The following CAST variants were observed in gnomAD, a reference collection of about 807,000 sequenced individuals.
CAST encodes calpastatin, also known as MIR583 host.
In CAST, 76 loss-of-function variants were observed where a neutral mutation model predicts 119.6. The observed-to-expected ratio is 0.64, with a 90% confidence interval of 0.53 to 0.77. The LOEUF (loss-of-function observed/expected upper bound fraction) is 0.77. CAST is among the 30% of genes least tolerant of loss of function. The probability of loss-of-function intolerance (pLI) is 0.00; values close to 1 mark genes in which losing one functional copy is unlikely to be tolerated. For synonymous variants in CAST, 319 were observed against 331.6 expected, an observed-to-expected ratio of 0.96 and a Z score of 0.41; for missense variants, 953 against 946.5, an observed-to-expected ratio of 1.01 and a Z score of -0.09.
chr5:96,433,970 A>T, the CAST span: 3 of 152,244 alleles, frequency 2.0e-5, no homozygotes, highest in South Asian at 6.2e-4. Flanking sequence ...ATGTGATTTT[A>T]AAAAAACATA....
chr5:95,969,581 A>G, the CAST span, among the ~76,000 whole-genome samples: 2 of 152,142 alleles, frequency 1.3e-5, no homozygotes, highest in Non-Finnish European at 2.9e-5. Flanking sequence ...GTACTAGGGT[A>G]TTAATGATGG....
chr5:96,695,636 C>T lies in CAST; in HGVS notation c.139-200C>T, dbSNP rs75664206. The T allele has an allele frequency of 1.3e-3, 545 of 435,194 alleles. 1 individual carries two copies. The highest frequency in any genetic ancestry group is 1.9e-3 in the Non-Finnish European group (440 of 230,104). 27.0% of individuals were successfully genotyped at this position (435,194 alleles called of 1,614,324 possible). On this transcript the variant is annotated intron_variant, in intron 2 of 31. Transcript: ENST00000675179. Reference sequence around the variant, plus strand: ...GAATATTGAACAATTGAGACTTATTCAACTTACTCTTCATTTCAATATTTG... The same window carrying T: ...GAATATTGAACAATTGAGACTTATTTAACTTACTCTTCATTTCAATATTTG...
intron 1 of CAST, among the ~76,000 whole-genome samples, chr5:96,589,030 T>C (rs1036976234): frequency 2.0e-5 from 3 of 152,224 alleles, no homozygotes; most frequent in African/African-American, 7.2e-5. Flanking sequence ...GGTTATAAAG[T>C]TAGACAACGA....
At chr5:96,485,709 T>C in the CAST span, among the ~76,000 whole-genome samples, 1 of 152,180 alleles carries the variant, frequency 6.6e-6, no homozygotes, top group Non-Finnish European at 1.5e-5. Context: ...ATTTATTTGT[T>C]GCCTACCCAA....
At chr5:96,424,960 T>C in the CAST span, among the ~76,000 whole-genome samples, 2 of 67,380 alleles carry the variant, frequency 3.0e-5, no homozygotes, top group Non-Finnish European at 5.6e-5. Context: ...CAAAACTCTG[T>C]CAAAAAAAAA....
intron 30 of CAST, among the ~76,000 whole-genome samples, chr5:96,770,831 T>C (rs1772035036): frequency 6.6e-6 from 1 of 152,174 alleles, no homozygotes; most frequent in Non-Finnish European, 1.5e-5. Flanking sequence ...CACAACCCAA[T>C]TTGCCTGTGT....
the CAST span, among the ~76,000 whole-genome samples, chr5:96,491,177 C>T: frequency 6.6e-6 from 1 of 152,054 alleles, no homozygotes; most frequent in Non-Finnish European, 1.5e-5. Flanking sequence ...TGTACACTCA[C>T]CAGAGTGACA....
chr5:96,652,605 A>T (rs558852584), intron 1 of CAST, among the ~76,000 whole-genome samples: 1 of 152,370 alleles, frequency 6.6e-6, no homozygotes, highest in East Asian at 1.9e-4. Context: ...TCTGTGTCAC[A>T]GAGCCTCCTG....
chr5:96,188,836 GATAA>G, the CAST span, among the ~76,000 whole-genome samples: 306 of 152,240 alleles, frequency 2.0e-3, no homozygotes, highest in Non-Finnish European at 2.0e-3. Flanking sequence ...TTATAACACT[GATAA>G]ATAGTGTGTT....
chr5:96,542,325 A>T (rs1044577707), intron 1 of CAST, among the ~76,000 whole-genome samples: 1 of 151,822 alleles, frequency 6.6e-6, no homozygotes, highest in Non-Finnish European at 1.5e-5. Flanking sequence ...AAAAAAAAAG[A>T]CAAAACTATT....
In CAST at chr5:96,766,138, A is replaced by G; in HGVS notation, c.2123A>G (p.Asn708Ser). 6.3e-7 allele frequency: 1 copy of G among 1,590,684 alleles called. No individual in the cohort carries two copies. The highest frequency in any genetic ancestry group is 8.6e-7 in the Non-Finnish European group (1 of 1,160,468). The change falls in exon 27 of 32, where the codon AAT becomes AGT. Residue 708 changes from asparagine to serine, a missense_variant. Physicochemically the swap from Asn to Ser is conservative, Grantham distance 46. Coordinates refer to ENST00000675179, the MANE Select transcript of CAST (RefSeq NM_001750.7). The stretch of plus-strand genomic sequence containing the variant: ...GAATACAGACATCTCCTGGATGATA[A>G]TGGACAGGTAAACTGAGGCAAATTG... ...PPEYRHLLDD[N>S]GQDKPVKPPT...
At chr5:96,561,784 A>ACGGTTTTTT (rs1746366762) in intron 1 of CAST, among the ~76,000 whole-genome samples, 1 of 37,578 alleles carries the variant, frequency 2.7e-5, no homozygotes, top group African/African-American at 8.1e-5. Flanking sequence ...TATTATATAT[A>ACGGTTTTTT]TGTTTTTTTT....
At chr5:96,291,742 T>G in the CAST span, among the ~76,000 whole-genome samples, 7 of 152,040 alleles carry the variant, frequency 4.6e-5, no homozygotes, top group Non-Finnish European at 7.4e-5. Context: ...CTTATCACAG[T>G]TATGCTTTCT....
At chr5:96,673,807 T>G (rs1012091818) in intron 1 of CAST, among the ~76,000 whole-genome samples, 2 of 152,244 alleles carry the variant, frequency 1.3e-5, no homozygotes, top group Non-Finnish European at 2.9e-5. Context: ...TTTTAAAAGA[T>G]TCATTTAATT....
chr5:96,410,865 G>T, the CAST span: 1 of 1,614,082 alleles, frequency 6.2e-7, no homozygotes, highest in Non-Finnish European at 8.5e-7. Flanking sequence ...GCCTTGCTGG[G>T]AGGCACTGCT....
At chr5:96,762,957 T>G in intron 25 of CAST, 1 of 568,614 alleles carries the variant, frequency 1.8e-6, no homozygotes, top group Non-Finnish European at 3.2e-6. Flanking sequence ...GGACCAAAGC[T>G]TTTCCAGACT....
chr5:96,139,930 G>T, the CAST span, among the ~76,000 whole-genome samples: 1 of 152,070 alleles, frequency 6.6e-6, no homozygotes, highest in Non-Finnish European at 1.5e-5. Context: ...AAAGTTGATT[G>T]CTTAAATGCT....
At chr5:96,037,926 T>C in the CAST span, among the ~76,000 whole-genome samples, 1 of 152,178 alleles carries the variant, frequency 6.6e-6, no homozygotes. Flanking sequence ...GGTATCTTTC[T>C]CTGTCCACAT....
At chr5:96,143,460 C>T in the CAST span, among the ~76,000 whole-genome samples, 1 of 152,162 alleles carries the variant, frequency 6.6e-6, no homozygotes, top group Non-Finnish European at 1.5e-5. Flanking sequence ...CTATTGATAC[C>T]ACTTAACTTT....
Sources: gnomAD v4.1 joint callset for allele counts (sites outside exome capture counted in the v4.1 genomes callset) on GRCh38, gnomAD v4.1.1 for gene constraint, MANE v1.5 for transcripts, NCBI Gene and HGNC (gene_info 2026-07-23, HGNC 2026-07-21) for gene names.